DLGAP2: variants seen among roughly 807,000 people sequenced by gnomAD.
The protein encoded by DLGAP2 is DLG associated protein 2.
In DLGAP2, 26 loss-of-function variants were observed where a neutral mutation model predicts 100.3. The ratio of observed to expected loss-of-function variants is 0.26; its 90% CI spans 0.19 to 0.36. The LOEUF (loss-of-function observed/expected upper bound fraction) is 0.36. Among genes scored for constraint, DLGAP2 ranks in the 10% least tolerant of loss-of-function variants. The pLI is 1.00. For synonymous variants in DLGAP2, 886 were observed against 630.1 expected, an observed-to-expected ratio of 1.41 and a Z score of -6.08; for missense variants, 1,858 against 1,453.2, an observed-to-expected ratio of 1.28 and a Z score of -4.53.
chr8:832,856 G>GA (rs1450848613), intron 1 of DLGAP2, among the ~76,000 whole-genome samples: 1 of 152,200 alleles, frequency 6.6e-6, no homozygotes, highest in Non-Finnish European at 1.5e-5. Context: ...TCAACTAGGA[G>GA]GAGAGAGATG....
Position 783,921 on chromosome 8 carries a change from G to A in DLGAP2, c.18+46096G>A, listed in dbSNP as rs531362818. Among the ~76,000 whole-genome samples, 690 of 152,292 alleles carry A rather than the reference G, an allele frequency of 4.5e-3. 1 individual carries two copies. Among genetic ancestry groups the A allele is most frequent in the Non-Finnish European group, 7.3e-3 (497 of 68,032 alleles). ...CATAATTAAAAGAGGATATCATAGC[G>A]TTATCGGCTAATTCTTAGGAGTAAT... On this transcript the variant is annotated intron_variant, in intron 1 of 14. Coordinates refer to ENST00000637795, the MANE Select transcript of DLGAP2 (RefSeq NM_001346810.2).
chr8:777,683 C>G (rs1375158832), intron 1 of DLGAP2, among the ~76,000 whole-genome samples: 3 of 152,132 alleles, frequency 2.0e-5, no homozygotes, highest in Non-Finnish European at 2.9e-5. Context: ...TTGGCCCCCA[C>G]TCTCTTCTGG....
intron 2 of DLGAP2, among the ~76,000 whole-genome samples, chr8:1,179,271 G>A (rs552261860): frequency 1.4e-4 from 21 of 152,368 alleles, no homozygotes; most frequent in Non-Finnish European, 2.2e-4. Flanking sequence ...TGCAGAGTGG[G>A]GGTGGGTGAG....
chr8:1,476,458 T>C (rs1168157180), intron 3 of DLGAP2, among the ~76,000 whole-genome samples: 1 of 152,212 alleles, frequency 6.6e-6, no homozygotes, highest in Admixed American at 6.5e-5. Flanking sequence ...TTTTTTATAG[T>C]TCGGCTGAGC....
intron 3 of DLGAP2, among the ~76,000 whole-genome samples, chr8:1,485,413 G>C (rs578098061): frequency 2.0e-5 from 3 of 152,250 alleles, no homozygotes; most frequent in Admixed American, 6.5e-5. Context: ...AGGAAAACCA[G>C]TTGAGAGGCA....
chr8:1,509,978 C>T (rs1403583872), intron 4 of DLGAP2, among the ~76,000 whole-genome samples: 1 of 152,162 alleles, frequency 6.6e-6, no homozygotes, highest in African/African-American at 2.4e-5. Flanking sequence ...GACAGATGTC[C>T]ACGTTAACTT....
At chr8:1,298,899 G>T (rs138581598) in intron 3 of DLGAP2, among the ~76,000 whole-genome samples, 12 of 151,934 alleles carry the variant, frequency 7.9e-5, no homozygotes, top group African/African-American at 1.7e-4. Flanking sequence ...AGGCAGGAAC[G>T]GGGGGAGAAC....
chr8:1,328,516 T>G (rs1801075251), intron 3 of DLGAP2, among the ~76,000 whole-genome samples: 1 of 151,838 alleles, frequency 6.6e-6, no homozygotes. Context: ...GTTTGTTTGT[T>G]TTTTGGTTTT....
At chr8:1,342,485 G>T (rs1399413778) in intron 3 of DLGAP2, among the ~76,000 whole-genome samples, 1 of 150,172 alleles carries the variant, frequency 6.7e-6, no homozygotes, top group East Asian at 2.0e-4. Context: ...AACTTTTTCT[G>T]TGAAGGGCCA....
intron 2 of DLGAP2, among the ~76,000 whole-genome samples, chr8:1,249,448 G>A (rs1798988984): frequency 6.6e-6 from 1 of 152,112 alleles, no homozygotes; most frequent in African/African-American, 2.4e-5. Flanking sequence ...CTGTTTCTCT[G>A]CTCTTATCTA....
chr8:1,295,854 T>C (rs1800160545), intron 3 of DLGAP2, among the ~76,000 whole-genome samples: 1 of 152,184 alleles, frequency 6.6e-6, no homozygotes, highest in South Asian at 2.1e-4. Context: ...ACACACCTTC[T>C]CATGGCACCT....
At chr8:1,262,754 G>C (rs893767606) in intron 3 of DLGAP2, among the ~76,000 whole-genome samples, 10 of 152,208 alleles carry the variant, frequency 6.6e-5, no homozygotes, top group African/African-American at 2.4e-4. Context: ...GATATAATCT[G>C]TCAATTTAAT....
intron 2 of DLGAP2, among the ~76,000 whole-genome samples, chr8:1,064,011 G>C (rs1803168974): frequency 6.6e-6 from 1 of 152,164 alleles, no homozygotes; most frequent in Non-Finnish European, 1.5e-5. Flanking sequence ...GGATGACATG[G>C]TTCTCCAGAA....
chr8:1,290,174 T>G (rs1286867935), intron 3 of DLGAP2, among the ~76,000 whole-genome samples: 4 of 152,184 alleles, frequency 2.6e-5, no homozygotes, highest in Non-Finnish European at 5.9e-5. Context: ...CACAGGCCTC[T>G]GTAAGCAGAT....
intron 2 of DLGAP2, among the ~76,000 whole-genome samples, chr8:969,170 A>T (rs1799953667): frequency 1.3e-5 from 2 of 152,072 alleles, no homozygotes; most frequent in African/African-American, 2.4e-5. Flanking sequence ...CCCCTCAAAG[A>T]CCTGACTAGA....
At chr8:1,694,414 G>C (rs1799327049) in intron 13 of DLGAP2, among the ~76,000 whole-genome samples, 1 of 152,240 alleles carries the variant, frequency 6.6e-6, no homozygotes, top group Admixed American at 6.5e-5. Context: ...CCCAGCCCGA[G>C]ATTGAGGACT....
chr8:1,676,465 C>G, intron 10 of DLGAP2, 68 bp from the exon 11 acceptor site: 5 of 1,500,098 alleles, frequency 3.3e-6, no homozygotes, highest in Non-Finnish European at 4.6e-6. Context: ...TCCACAACAA[C>G]AACAAAATAG....
intron 2 of DLGAP2, among the ~76,000 whole-genome samples, chr8:1,006,241 A>T (rs1326575626): frequency 6.6e-6 from 1 of 152,184 alleles, no homozygotes; most frequent in Non-Finnish European, 1.5e-5. Context: ...CCTGAAAAAG[A>T]TGGACAACTG....
At chr8:1,525,498 G>A (rs1481599767) in intron 4 of DLGAP2, among the ~76,000 whole-genome samples, 1 of 152,210 alleles carries the variant, frequency 6.6e-6, no homozygotes. Flanking sequence ...GAACAGGGAG[G>A]TGGGCAGACC....
Sources: allele counts gnomAD v4.1 joint callset (sites outside exome capture counted in the v4.1 genomes callset), GRCh38; gene constraint gnomAD v4.1.1; transcripts MANE v1.5; gene names NCBI Gene and HGNC (gene_info 2026-07-23, HGNC 2026-07-21).